OR13A1: variants seen among roughly 807,000 people sequenced by gnomAD.
OR13A1 encodes the protein olfactory receptor 13A1.
Under a neutral mutation model 7.5 loss-of-function variants are expected in OR13A1, and 10 were observed. The ratio of observed to expected loss-of-function variants is 1.34; its 90% CI spans 0.83 to 2.27. OR13A1 has a LOEUF of 2.27. OR13A1 is among the 30% of genes most tolerant of loss of function. The pLI is 0.00. For missense variants in OR13A1, 509 were observed against 419.1 expected (o/e 1.21, Z -1.87); for synonymous variants, 238 against 177.9 (o/e 1.34, Z -2.69).
chr10:45,312,157 G>A (rs1838458272), intron 1 of OR13A1, among the ~76,000 whole-genome samples: 1 of 151,980 alleles, frequency 6.6e-6, no homozygotes, highest in African/African-American at 2.4e-5. Flanking sequence ...CCCCATAAGG[G>A]CATGAGAAAT....
chr10:45,304,616 T>C, intron 3 of OR13A1, 182 bp from the exon 4 acceptor site: 1 of 575,540 alleles, frequency 1.7e-6, no homozygotes. Context: ...GTTGGCCAGT[T>C]AAACTCATGA....
chr10:45,311,542 A>G lies in OR13A1; in HGVS notation c.-224-3734T>C, dbSNP rs1201104070. On this transcript the variant is annotated intron_variant, in intron 1 of 3. Coordinates refer to ENST00000553795, the MANE Select transcript of OR13A1 (RefSeq NM_001004297.3). ...CCATACTAGGTATAATTTGCATACC[A>G]GATATTCAAAGAAGTAGGAGAATAT... 3.3e-5 allele frequency among the ~76,000 whole-genome samples: 5 copies of G among 152,202 alleles called. No homozygotes were observed. In the East Asian group the frequency reaches 9.6e-4, roughly 29 times the overall value.
intron 1 of OR13A1, among the ~76,000 whole-genome samples, chr10:45,308,381 G>C (rs1183545186): frequency 6.6e-6 from 1 of 152,226 alleles, no homozygotes; most frequent in East Asian, 1.9e-4. Context: ...GTAATTTGTT[G>C]GTTGCCTCCA....
At chr10:45,310,342 G>A (rs562755173) in intron 1 of OR13A1, among the ~76,000 whole-genome samples, 1 of 152,274 alleles carries the variant, frequency 6.6e-6, no homozygotes, top group East Asian at 1.9e-4. Flanking sequence ...AGTCATTAAA[G>A]GATTTAGGTT....
rs948114843 is a variant in OR13A1, at chr10:45,303,767, A to G, written c.656T>C (p.Leu219Pro). 2 of 1,613,974 alleles carry G rather than the reference A, an allele frequency of 1.2e-6. No homozygotes were observed. Among genetic ancestry groups the G allele is most frequent in the African/African-American group, 2.7e-5 (2 of 74,948 alleles). Residue 219 changes from leucine (L) to proline (P), a missense_variant, in exon 4 of 4, where the codon CTG (leucine) becomes CCG (proline). Transcript: ENST00000553795. Reference protein sequence around the residue: ...STYVNGVMIVLADAFYGIVNF... With the variant: ...STYVNGVMIVPADAFYGIVNF... ...CACTATGCCGTAGAAAGCATCCGCCAGGACAATCATGACACCGTTGACGTA... is the reference window on the plus strand; with the variant it reads ...CACTATGCCGTAGAAAGCATCCGCCGGGACAATCATGACACCGTTGACGTA...
intron 1 of OR13A1, among the ~76,000 whole-genome samples, chr10:45,312,563 A>T (rs10159580): frequency 0.21 from 28,310 of 133,676 alleles, 4,035 homozygotes; most frequent in African/African-American, 0.44. Context: ...CATCATCAGA[A>T]GATATGAACA....
In OR13A1 at chr10:45,304,193, A is replaced by G. The variant is rs761766022; in HGVS notation, c.230T>C (p.Met77Thr). Residue 77 changes from methionine to threonine, a missense_variant, in exon 4 of 4, where the codon ATG becomes ACG. Coordinates refer to ENST00000553795, the MANE Select transcript of OR13A1 (RefSeq NM_001004297.3). ...ITFNPGLHAP[M>T]YFFLLNLATM... Reference sequence around the variant, plus strand: ...AGCCAAGTTGAGTAAGAAAAAGTACATAGGAGCGTGGAGCCCAGGGTTGAA... The same window carrying G: ...AGCCAAGTTGAGTAAGAAAAAGTACGTAGGAGCGTGGAGCCCAGGGTTGAA... 2 of 1,614,218 alleles carry G rather than the reference A, an allele frequency of 1.2e-6. No individual in the cohort carries two copies. Among genetic ancestry groups the G allele is most frequent in the African/African-American group, 1.3e-5 (1 of 75,048 alleles).
chr10:45,314,291 T>C (rs1036915754), intron 1 of OR13A1, among the ~76,000 whole-genome samples: 19 of 152,016 alleles, frequency 1.2e-4, no homozygotes, highest in Non-Finnish European at 5.9e-5. Flanking sequence ...GCTATAAATA[T>C]GTGCATTATA....
intron 1 of OR13A1, among the ~76,000 whole-genome samples, chr10:45,314,615 A>G (rs1838495257): frequency 6.6e-6 from 1 of 152,064 alleles, no homozygotes; most frequent in Non-Finnish European, 1.5e-5. Context: ...ATAGAAAAAA[A>G]TCAACAAAAC....
At position 45,304,336 on chromosome 10, in the gene OR13A1, C is replaced by G. The variant is rs770871961; in HGVS notation, c.87G>C (p.Glu29Asp). The change falls in exon 4 of 4, where the codon GAG (glutamate) becomes GAC (aspartate). Residue 29 changes from glutamate to aspartate, a missense_variant. Transcript: ENST00000553795. ...RMMSNQTLVT[E>D]FILQGFSEHP... Reference sequence around the variant, plus strand: ...GCTCCGAAAAGCCCTGCAGGATGAACTCGGTTACCAACGTCTGGTTACTCA... The same window carrying G: ...GCTCCGAAAAGCCCTGCAGGATGAAGTCGGTTACCAACGTCTGGTTACTCA... The G allele has an allele frequency of 4.4e-5, 71 of 1,614,064 alleles. No individual in the cohort carries two copies. Among genetic ancestry groups the G allele is most frequent in the Non-Finnish European group, 5.8e-5 (69 of 1,180,038 alleles).
rs114702481 is a variant in OR13A1, at chr10:45,303,720, A to G, written c.703T>C (p.Ser235Pro). The G allele has an allele frequency of 3.4e-5, 55 of 1,614,186 alleles. No homozygotes were observed. In the East Asian group the frequency reaches 6.7e-4, roughly 20 times the overall value. Residue 235 changes from serine to proline, a missense_variant, in exon 4 of 4, where the codon TCC becomes CCC. Coordinates refer to ENST00000553795, the MANE Select transcript of OR13A1 (RefSeq NM_001004297.3). ...ATGCTGGAGACGATGAAGCCATAGG[A>G]CGCGATGGTCATCAGGAAGTTCACT... is the stretch of plus-strand genomic sequence containing the variant. ...GIVNFLMTIA[S>P]YGFIVSSILK...
At chr10:45,314,430 C>A (rs1838492275) in intron 1 of OR13A1, among the ~76,000 whole-genome samples, 1 of 149,996 alleles carries the variant, frequency 6.7e-6, no homozygotes, top group African/African-American at 2.5e-5. Flanking sequence ...GACCCCATCT[C>A]CACAACTTAA....
intron 3 of OR13A1, 165 bp from the exon 4 acceptor site, chr10:45,304,599 A>G (rs1838290385): frequency 1.7e-6 from 1 of 604,868 alleles, no homozygotes; most frequent in African/African-American, 1.8e-5. Context: ...TATAAAAAAT[A>G]AATACAGTTG....
intron 1 of OR13A1, among the ~76,000 whole-genome samples, chr10:45,310,772 A>C (rs1024253655): frequency 1.3e-5 from 2 of 152,218 alleles, no homozygotes; most frequent in African/African-American, 4.8e-5. Context: ...ATGATTATAT[A>C]CTTACACAAG....
At chr10:45,314,549 A>G (rs1838494158) in intron 1 of OR13A1, among the ~76,000 whole-genome samples, 1 of 152,024 alleles carries the variant, frequency 6.6e-6, no homozygotes, top group Non-Finnish European at 1.5e-5. Context: ...CAGAAGGAGG[A>G]AAATCCTAAA....
At chr10:45,302,379 G>A (rs955630410), downstream of OR13A1, 1 of 152,166 alleles carries the variant, frequency 6.6e-6, no homozygotes, top group Non-Finnish European at 1.5e-5. Context: ...TCACTTAGAA[G>A]AGATTAAACT....
At chr10:45,311,483 G>C (rs1271540927) in intron 1 of OR13A1, among the ~76,000 whole-genome samples, 1 of 152,050 alleles carries the variant, frequency 6.6e-6, no homozygotes, top group Non-Finnish European at 1.5e-5. Flanking sequence ...TTTCTTTTAG[G>C]TATCCATATT....
Position 45,304,143 on chromosome 10 carries a change from A to T in OR13A1, c.280T>A (p.Ser94Thr). The change falls in exon 4 of 4, where the codon TCC becomes ACC. Residue 94 changes from serine (S) to threonine (T), a missense_variant. By Grantham distance (58) the Ser-to-Thr change is moderately conservative. Coordinates refer to ENST00000553795, the MANE Select transcript of OR13A1 (RefSeq NM_001004297.3). ...LATMDIICTS[S>T]IMPKALASLV... ...CTGGCCAGCGCCTTGGGCATGATGG[A>T]AGAGGTGCAGATAATGTCCATAGTA... 2 of 1,614,210 alleles carry T rather than the reference A, an allele frequency of 1.2e-6. No homozygotes were observed. The highest frequency in any genetic ancestry group is 2.2e-5 in the South Asian group (2 of 91,074).
intron 3 of OR13A1, among the ~76,000 whole-genome samples, chr10:45,304,832 G>T (rs1055386069): frequency 1.1e-4 from 16 of 152,188 alleles, no homozygotes; most frequent in Non-Finnish European, 5.9e-5. Flanking sequence ...CATCCTGAAG[G>T]TGTCAGAGCA....
Sources: allele counts gnomAD v4.1 joint callset (sites outside exome capture counted in the v4.1 genomes callset), GRCh38; gene constraint gnomAD v4.1.1; transcripts MANE v1.5; gene names NCBI Gene and HGNC (gene_info 2026-07-23, HGNC 2026-07-21).